The following NTNG2 variants were observed in gnomAD, a reference collection of about 807,000 sequenced individuals.
NTNG2 encodes the protein netrin G2.
Under a neutral mutation model 47.6 loss-of-function variants are expected in NTNG2, and 15 were observed. That is an observed-to-expected ratio of 0.32 (90% CI 0.21 to 0.49). The LOEUF is 0.49. NTNG2 is among the 20% of genes least tolerant of loss of function. The probability of loss-of-function intolerance (pLI) is 0.99; values close to 1 mark genes in which losing one functional copy is unlikely to be tolerated. For missense variants in NTNG2, 578 were observed against 764.6 expected (o/e 0.76, Z 2.88); for synonymous variants, 307 against 324.6 (o/e 0.95, Z 0.58).
rs1432642001 is a variant in NTNG2, at chr9:132,162,723, A to T, written c.-484+484A>T. Among the ~76,000 whole-genome samples, 1 of 149,092 alleles carries T rather than the reference A, an allele frequency of 6.7e-6. No homozygotes were observed. Among genetic ancestry groups the T allele is most frequent in the African/African-American group, 2.5e-5 (1 of 40,234 alleles). ...AATTCCACCGCCACCGCTTAGAGCC[A>T]CCCCCATCCCGTGCCCTCCCATCTC... On this transcript the variant is annotated intron_variant, in intron 1 of 7. Transcript: ENST00000393229. The surrounding 1 kb of genome is among the most constrained non-coding windows in gnomAD (Gnocchi z 4.6).
intron 2 of NTNG2, among the ~76,000 whole-genome samples, chr9:132,168,105 T>C (rs1273874045): frequency 6.6e-6 from 1 of 152,222 alleles, no homozygotes; most frequent in Non-Finnish European, 1.5e-5. Flanking sequence ...GTGGGGTAAC[T>C]GAGGCAGCCC....
chr9:132,172,829 A>G (rs1392080667), intron 2 of NTNG2, among the ~76,000 whole-genome samples: 2 of 144,090 alleles, frequency 1.4e-5, no homozygotes, highest in Non-Finnish European at 3.0e-5. Flanking sequence ...TCCTGGGTTC[A>G]CGCCATTCTC....
At chr9:132,192,878 C>T (rs1838004800) in intron 2 of NTNG2, among the ~76,000 whole-genome samples, 1 of 152,232 alleles carries the variant, frequency 6.6e-6, no homozygotes, top group Non-Finnish European at 1.5e-5. Flanking sequence ...AGGCGAGGGG[C>T]CTGTAAACAC....
At chr9:132,228,142 G>C (rs1301115325) in intron 4 of NTNG2, among the ~76,000 whole-genome samples, 1 of 152,248 alleles carries the variant, frequency 6.6e-6, no homozygotes, top group Non-Finnish European at 1.5e-5. Flanking sequence ...ACCAGGCCTG[G>C]GCAGTGGCCT....
rs144651817 is a variant in NTNG2 at position 132,198,496 on chromosome 9, C to T, written c.744C>T (p.Thr248=). The T allele has an allele frequency of 2.5e-6, 4 of 1,610,276 alleles. No individual in the cohort carries two copies. Among genetic ancestry groups the T allele is most frequent in the East Asian group, 2.2e-5 (1 of 44,844 alleles). Residue 248 remains threonine (T), a synonymous_variant, in exon 3 of 8, where the codon ACC becomes ACT. Transcript: ENST00000393229. ...CCAAGGGCCTCAAGGAGTTCTTCAC[C>T]CTCACCGACCTGCGCATGCGGCTGC... ...ESAKGLKEFF[T]LTDLRMRLLR... is the part of the protein sequence containing the mutation.
intron 6 of NTNG2, chr9:132,240,657 C>T (rs2131051172): frequency 5.1e-6 from 3 of 584,508 alleles, no homozygotes; most frequent in East Asian, 2.9e-5. Context: ...CCAGGCCACA[C>T]CAGTGCCAGG....
In NTNG2 at chr9:132,236,416, G is replaced by A. The variant is rs1184330534; in HGVS notation, c.1055-2688G>A. Among the ~76,000 whole-genome samples, 5 of 152,190 alleles carry A rather than the reference G, an allele frequency of 3.3e-5. No homozygotes were observed. On this transcript the variant is annotated intron_variant, in intron 5 of 7. Coordinates refer to ENST00000393229, the MANE Select transcript of NTNG2 (RefSeq NM_032536.4). This position sits in a 1 kb window ranked among gnomAD's most constrained non-coding sequence, Gnocchi z 4.3. The stretch of plus-strand genomic sequence containing the variant: ...CGCAGGCCTGCCCGACTCTCCAGAA[G>A]GGAAATTGTCCCTGGCCCCAGCTCA...
intron 3 of NTNG2, among the ~76,000 whole-genome samples, chr9:132,199,134 G>A (rs1411448061): frequency 1.3e-5 from 2 of 152,146 alleles, no homozygotes; most frequent in Admixed American, 6.5e-5. Flanking sequence ...GCACATGTCG[G>A]AGGAAGGAAG....
At chr9:132,172,210 C>CTCCTTTT (rs1835979477) in intron 2 of NTNG2, among the ~76,000 whole-genome samples, 1 of 152,212 alleles carries the variant, frequency 6.6e-6, no homozygotes, top group Admixed American at 6.5e-5. Flanking sequence ...ATAACCCTGG[C>CTCCTTTT]TCCTTTTTCA....
rs1554790515 is a variant in NTNG2, at chr9:132,216,414, C to CTCTCTG, written c.858-10434_858-10433insCTCTGT. ...TCTCTCTCTCTCTCTCTCTCTCTCTCTGTGTGTGTGTGTATGTGTGTGTGT... is the reference window on the plus strand; with the variant it reads ...TCTCTCTCTCTCTCTCTCTCTCTCTCTCTCTGTGTGTGTGTGTGTATGTGTGTGTGT... On this transcript the variant is annotated intron_variant, in intron 3 of 7. Coordinates refer to ENST00000393229, the MANE Select transcript of NTNG2 (RefSeq NM_032536.4). Among the ~76,000 whole-genome samples, 282 of 110,308 alleles carry CTCTCTG rather than the reference C, an allele frequency of 2.6e-3. 7 individuals are homozygous for CTCTCTG. The highest frequency in any genetic ancestry group is 0.012 in the East Asian group (48 of 3,914). The allele number at this position is 110,308 out of a possible 152,430, so 72.4% of individuals were successfully genotyped here.
At chr9:132,211,676 C>A (rs1259128465) in intron 3 of NTNG2, among the ~76,000 whole-genome samples, 2 of 152,182 alleles carry the variant, frequency 1.3e-5, no homozygotes, top group East Asian at 3.9e-4. Context: ...TCAGAGAGCA[C>A]CTCTCTGGAG....
chr9:132,193,905 CA>C (rs1838083084), intron 2 of NTNG2, among the ~76,000 whole-genome samples: 1 of 152,150 alleles, frequency 6.6e-6, no homozygotes, highest in African/African-American at 2.4e-5. Flanking sequence ...GCCGCCTTCT[CA>C]CTGTGCCTTC....
At chr9:132,172,128 C>T (rs1835971032) in intron 2 of NTNG2, among the ~76,000 whole-genome samples, 1 of 152,226 alleles carries the variant, frequency 6.6e-6, no homozygotes, top group Admixed American at 6.5e-5. Context: ...CCAGCCTTGG[C>T]CCGTGCTGTC....
chr9:132,178,786 C>CAAAAAAAA (rs57942639), intron 2 of NTNG2, among the ~76,000 whole-genome samples: 1 of 93,554 alleles, frequency 1.1e-5, no homozygotes, highest in African/African-American at 3.4e-5. Flanking sequence ...ACTAAAAATA[C>CAAAAAAAA]AAAAAAAAAA....
intron 3 of NTNG2, among the ~76,000 whole-genome samples, chr9:132,200,681 A>G (rs1369117482): frequency 6.6e-6 from 1 of 151,854 alleles, no homozygotes; most frequent in East Asian, 1.9e-4. Context: ...GCAAAGGCAA[A>G]GGCAGGTCGT....
intron 2 of NTNG2, among the ~76,000 whole-genome samples, chr9:132,196,164 TTTTG>T (rs1157515033): frequency 7.3e-5 from 11 of 149,814 alleles, no homozygotes; most frequent in African/African-American, 2.2e-4. Context: ...CTATGGGTTT[TTTTG>T]TTTGTTTTGT....
In NTNG2 at chr9:132,231,400, A is replaced by G. The variant is rs981896967; in HGVS notation, c.1054+805A>G. On this transcript the variant is annotated intron_variant, in intron 5 of 7. Coordinates refer to ENST00000393229, the MANE Select transcript of NTNG2 (RefSeq NM_032536.4). The surrounding 1 kb of genome is among the most constrained non-coding windows in gnomAD (Gnocchi z 4.1). The stretch of plus-strand genomic sequence containing the variant: ...GCCGGGAGCAGACCCCAAATCTCAG[A>G]GATGCTTCTGGGGTGCACCGTCACC... 36 of 453,708 alleles carry G rather than the reference A, an allele frequency of 7.9e-5. No homozygotes were observed. Among genetic ancestry groups the G allele is most frequent in the Non-Finnish European group, 1.4e-4 (31 of 225,382 alleles). The allele number at this position is 453,708 out of a possible 1,614,324, so 28.1% of individuals were successfully genotyped here. A position where few individuals can be genotyped will look rare whatever the true frequency, so the allele number is the denominator to read the frequency against.
intron 3 of NTNG2, among the ~76,000 whole-genome samples, chr9:132,205,062 G>A (rs1382258281): frequency 6.6e-6 from 1 of 152,170 alleles, no homozygotes; most frequent in East Asian, 1.9e-4. Context: ...AGAACAGTAT[G>A]GTGGCTCCTG....
chr9:132,231,099 T>C lies in NTNG2; in HGVS notation c.1054+504T>C, dbSNP rs757822617. On this transcript the variant is annotated intron_variant, in intron 5 of 7. Transcript: ENST00000393229. This position sits in a 1 kb window ranked among gnomAD's most constrained non-coding sequence, Gnocchi z 4.1. ...CTCTGGGCAGCCTCTGCAGCCAGCTTGTCCCAGGGCTCTGCTCGTCCAGGT... is the reference window on the plus strand; with the variant it reads ...CTCTGGGCAGCCTCTGCAGCCAGCTCGTCCCAGGGCTCTGCTCGTCCAGGT... Among the ~76,000 whole-genome samples the C allele has an allele frequency of 6.6e-6, 1 of 152,108 alleles. No individual in the cohort carries two copies. The highest frequency in any genetic ancestry group is 1.5e-5 in the Non-Finnish European group (1 of 67,998).
Sources: allele counts gnomAD v4.1 joint callset (sites outside exome capture counted in the v4.1 genomes callset), GRCh38; gene constraint gnomAD v4.1.1; non-coding constraint Gnocchi (gnomAD v3.1); transcripts MANE v1.5; gene names NCBI Gene and HGNC (gene_info 2026-07-23, HGNC 2026-07-21).